Variants in XIRP2 observed in about 807,000 individuals in gnomAD.
XIRP2 encodes the protein xin actin-binding repeat-containing protein 2.
A neutral mutation model predicts 277.0 loss-of-function variants in XIRP2; 236 were observed. The ratio of observed to expected loss-of-function variants is 0.85; its 90% confidence interval spans 0.77 to 0.95. The LOEUF (loss-of-function observed/expected upper bound fraction) is 0.95. Ranked by LOEUF, XIRP2 falls within the 40% of genes least tolerant of loss-of-function variation. The probability of loss-of-function intolerance (pLI) is 0.00; values close to 1 mark genes in which losing one functional copy is unlikely to be tolerated. For missense variants in XIRP2, 4,640 were observed against 4,157.5 expected (o/e 1.12, Z -3.19); for synonymous variants, 1,490 against 1,416.5 (o/e 1.05, Z -1.17).
chr2:167,246,213 T>C lies in XIRP2; in HGVS notation c.4821T>C (p.Asn1607=). ...AAATTATCAGGGCTGATCTCAGAAA[T>C]ATAATGGTGAACCTACTTTCCAAAA... The part of the protein sequence containing the change: ...KEEIIRADLR[N]IMVNLLSKRD... Residue 1607 remains asparagine (N), a synonymous_variant, in exon 9 of 11, where the codon AAT becomes AAC. Transcript: ENST00000409195. 6.2e-7 allele frequency: 1 copy of C among 1,613,164 alleles called. No individual in the cohort carries two copies. The highest frequency in any genetic ancestry group is 8.5e-7 in the Non-Finnish European group (1 of 1,179,680).
chr2:167,191,377 T>G (rs1337305700), intron 3 of XIRP2, among the ~76,000 whole-genome samples: 2 of 152,178 alleles, frequency 1.3e-5, no homozygotes, highest in Non-Finnish European at 2.9e-5. Flanking sequence ...ACTAACTGTC[T>G]TGATTTGTTT....
chr2:166,914,443 C>T (rs1365218736), intron 2 of XIRP2, among the ~76,000 whole-genome samples: 3 of 152,100 alleles, frequency 2.0e-5, no homozygotes, highest in Non-Finnish European at 4.4e-5. Context: ...CAGGTTTACG[C>T]CATTCTCCTG....
intron 2 of XIRP2, among the ~76,000 whole-genome samples, chr2:167,132,626 G>T (rs932364722): frequency 6.6e-6 from 1 of 151,684 alleles, no homozygotes; most frequent in African/African-American, 2.4e-5. Flanking sequence ...ATCTGCTCCC[G>T]GCCTGCCTCT....
intron 2 of XIRP2, among the ~76,000 whole-genome samples, chr2:166,965,632 G>A (rs1356794806): frequency 6.6e-6 from 1 of 151,852 alleles, no homozygotes; most frequent in Non-Finnish European, 1.5e-5. Flanking sequence ...TGCTGAGGCT[G>A]GAGTGCAATG....
At chr2:166,985,709 A>G (rs566609126) in intron 2 of XIRP2, among the ~76,000 whole-genome samples, 2 of 152,228 alleles carry the variant, frequency 1.3e-5, no homozygotes, top group East Asian at 3.9e-4. Flanking sequence ...GATTACAGGC[A>G]TGAGCCACCG....
At chr2:167,117,603 A>G (rs1319349102) in intron 2 of XIRP2, among the ~76,000 whole-genome samples, 1 of 152,150 alleles carries the variant, frequency 6.6e-6, no homozygotes, top group Non-Finnish European at 1.5e-5. Context: ...TTGCCTTAAC[A>G]TCACATGTGA....
intron 2 of XIRP2, among the ~76,000 whole-genome samples, chr2:166,983,541 T>C (rs1433734470): frequency 2.6e-5 from 4 of 152,238 alleles, no homozygotes; most frequent in Admixed American, 2.6e-4. Flanking sequence ...AATTCTGTTT[T>C]CTTCTTCTGA....
intron 3 of XIRP2, among the ~76,000 whole-genome samples, chr2:167,193,919 C>T (rs1421086649): frequency 6.7e-6 from 1 of 149,552 alleles, no homozygotes; most frequent in African/African-American, 2.5e-5. Flanking sequence ...GATACTGACA[C>T]AGTATCTTGT....
chr2:167,168,764 A>G (rs886780632), intron 3 of XIRP2, among the ~76,000 whole-genome samples: 12 of 151,892 alleles, frequency 7.9e-5, no homozygotes, highest in African/African-American at 2.7e-4. Context: ...ATAGGTGCCC[A>G]CCACCACGCC....
chr2:167,234,708 TTTACTTCTGA>T (rs1203290002), intron 5 of XIRP2, among the ~76,000 whole-genome samples: 2 of 151,846 alleles, frequency 1.3e-5, no homozygotes, highest in Non-Finnish European at 3.0e-5. Context: ...AACTGGAGCC[TTTACTTCTGA>T]GCATATTGAG....
At chr2:167,049,097 T>C (rs1487346577) in intron 2 of XIRP2, among the ~76,000 whole-genome samples, 1 of 151,894 alleles carries the variant, frequency 6.6e-6, no homozygotes. Context: ...CTTACTTCAA[T>C]GAGTTCTTTT....
chr2:167,069,642 G>A (rs562458898), intron 2 of XIRP2, among the ~76,000 whole-genome samples: 3 of 152,078 alleles, frequency 2.0e-5, no homozygotes, highest in South Asian at 2.1e-4. Flanking sequence ...CTGCTGCCCC[G>A]ACCCCGACCC....
chr2:167,129,487 T>C (rs1350715616), intron 2 of XIRP2, among the ~76,000 whole-genome samples: 1 of 152,138 alleles, frequency 6.6e-6, no homozygotes, highest in African/African-American at 2.4e-5. Context: ...GAAATAGACA[T>C]TGGGTTGTAT....
intron 2 of XIRP2, among the ~76,000 whole-genome samples, chr2:167,092,859 C>A (rs1690185890): frequency 6.6e-6 from 1 of 152,068 alleles, no homozygotes; most frequent in Non-Finnish European, 1.5e-5. Context: ...CAGCCCACTA[C>A]TGAAGAATAG....
chr2:167,081,393 A>T (rs1340044538), intron 2 of XIRP2, among the ~76,000 whole-genome samples: 2 of 152,184 alleles, frequency 1.3e-5, no homozygotes, highest in African/African-American at 4.8e-5. Flanking sequence ...ACCTGAATCC[A>T]GGAGTTCGAG....
chr2:167,212,851 G>A (rs1161074959), intron 4 of XIRP2, among the ~76,000 whole-genome samples: 1 of 151,582 alleles, frequency 6.6e-6, no homozygotes, highest in African/African-American at 2.4e-5. Flanking sequence ...CAAAATAATT[G>A]TTTATTTAAT....
intron 2 of XIRP2, among the ~76,000 whole-genome samples, chr2:166,972,415 A>G (rs889661579): frequency 2.0e-5 from 3 of 152,188 alleles, no homozygotes; most frequent in Admixed American, 1.3e-4. Context: ...AAAGGAAAGC[A>G]GCTACTAGCT....
chr2:166,995,839 C>T (rs1687207964), intron 2 of XIRP2, among the ~76,000 whole-genome samples: 1 of 152,120 alleles, frequency 6.6e-6, no homozygotes. Flanking sequence ...GCCCTCATTC[C>T]AAGTCATCAA....
intron 2 of XIRP2, among the ~76,000 whole-genome samples, chr2:166,906,052 AACTCTG>A (rs1266899563): frequency 6.6e-6 from 1 of 152,038 alleles, no homozygotes; most frequent in Non-Finnish European, 1.5e-5. Flanking sequence ...GCTACTCTAT[AACTCTG>A]ACATTTATGT....
Sources: allele counts gnomAD v4.1 joint callset (sites outside exome capture counted in the v4.1 genomes callset), GRCh38; gene constraint gnomAD v4.1.1; transcripts MANE v1.5; gene names NCBI Gene and HGNC (gene_info 2026-07-23, HGNC 2026-07-21).